TPH2: variants seen among roughly 807,000 people sequenced by gnomAD.
TPH2 encodes the protein tryptophan 5-hydroxylase 2.
A neutral mutation model predicts 59.1 loss-of-function variants in TPH2; 27 were observed. The ratio of observed to expected loss-of-function variants is 0.46; its 90% CI spans 0.34 to 0.63. The LOEUF is 0.63. Ranked by LOEUF, TPH2 falls within the 30% of genes least tolerant of loss-of-function variation. The pLI, the probability that TPH2 is intolerant of heterozygous loss-of-function variation, is 0.01. For missense variants in TPH2, 523 were observed against 588.3 expected (o/e 0.89, Z 1.15); for synonymous variants, 220 against 210.5 (o/e 1.05, Z -0.39).
At chr12:71,970,901 A>C (rs919019298) in intron 5 of TPH2, among the ~76,000 whole-genome samples, 1 of 152,188 alleles carries the variant, frequency 6.6e-6, no homozygotes, top group Non-Finnish European at 1.5e-5. Flanking sequence ...TTTTTTCTTC[A>C]GTATGTGTTA....
intron 8 of TPH2, among the ~76,000 whole-genome samples, chr12:71,996,336 C>T (rs751053213): frequency 2.6e-5 from 4 of 152,186 alleles, no homozygotes; most frequent in Admixed American, 6.6e-5. Context: ...GGCCATATTC[C>T]GTTCATTAGA....
intron 5 of TPH2, among the ~76,000 whole-genome samples, chr12:71,957,662 T>C (rs1871548873): frequency 6.6e-6 from 1 of 152,172 alleles, no homozygotes; most frequent in South Asian, 2.1e-4. Flanking sequence ...AGTAATTGAA[T>C]TAAGGAATTT....
intron 8 of TPH2, among the ~76,000 whole-genome samples, chr12:72,008,059 G>A (rs192815209): frequency 6.6e-5 from 10 of 152,238 alleles, no homozygotes; most frequent in East Asian, 5.8e-4. Flanking sequence ...GCAGTCTACC[G>A]AGGGATATAG....
chr12:72,001,598 A>G (rs1350140854), intron 8 of TPH2, among the ~76,000 whole-genome samples: 1 of 151,954 alleles, frequency 6.6e-6, no homozygotes, highest in Non-Finnish European at 1.5e-5. Context: ...TTGTATTTTT[A>G]GTAGAGATGG....
At chr12:71,993,151 GA>G (rs1269753999) in intron 7 of TPH2, among the ~76,000 whole-genome samples, 1 of 152,166 alleles carries the variant, frequency 6.6e-6, no homozygotes, top group African/African-American at 2.4e-5. Context: ...TGAGTTGTGG[GA>G]ATAAGATTTT....
chr12:72,025,687 G>T (rs1037455008), intron 9 of TPH2, among the ~76,000 whole-genome samples: 3 of 152,164 alleles, frequency 2.0e-5, no homozygotes, highest in Admixed American at 2.0e-4. Context: ...GCCAAAAAGT[G>T]CATTTGGGTG....
Position 71,972,463 on chromosome 12 carries a change from A to ATACT in TPH2, c.609-53_609-50dup, listed in dbSNP as rs1029812867. ...TTGTGATAGGTATTGAGGTGAGAAA[A>ATACT]TACTTAACTCAGTGATTCAAAGTTA... is the stretch of plus-strand genomic sequence containing the variant. On this transcript the variant is annotated intron_variant, in intron 5 of 10. Transcript: ENST00000333850. The ATACT allele has an allele frequency of 4.5e-6, 7 of 1,572,410 alleles. No individual in the cohort carries two copies. In the African/African-American group the frequency reaches 9.5e-5, roughly 21 times the overall value.
At chr12:71,994,697 G>T in intron 8 of TPH2, 132 bp downstream of exon 8, 2 of 1,145,058 alleles carry the variant, frequency 1.7e-6, no homozygotes, top group Non-Finnish European at 1.3e-6. Context: ...CTTTTCCTAT[G>T]TTGTATTCTT....
chr12:72,022,175 A>G (rs1312351346), intron 8 of TPH2, among the ~76,000 whole-genome samples: 1 of 152,210 alleles, frequency 6.6e-6, no homozygotes, highest in African/African-American at 2.4e-5. Flanking sequence ...GAATTCAGGA[A>G]GCGTAAGACT....
intron 6 of TPH2, among the ~76,000 whole-genome samples, chr12:71,976,842 C>T (rs1872133512): frequency 6.6e-6 from 1 of 152,112 alleles, no homozygotes; most frequent in Non-Finnish European, 1.5e-5. Flanking sequence ...AAGGAATAGC[C>T]TTCCAGGACG....
intron 8 of TPH2, 126 bp downstream of exon 8, chr12:71,994,691 T>C (rs1168281716): frequency 5.0e-6 from 6 of 1,188,646 alleles, no homozygotes; most frequent in Non-Finnish European, 7.2e-6. Context: ...ATTTACCTTT[T>C]CCTATGTTGT....
chr12:71,984,030 A>T (rs1236586863), intron 7 of TPH2, among the ~76,000 whole-genome samples: 4 of 152,110 alleles, frequency 2.6e-5, no homozygotes, highest in African/African-American at 9.7e-5. Flanking sequence ...TTCCCATTCC[A>T]CACATCTCTT....
chr12:72,018,685 G>C (rs1873326732), intron 8 of TPH2, among the ~76,000 whole-genome samples: 1 of 152,150 alleles, frequency 6.6e-6, no homozygotes, highest in Non-Finnish European at 1.5e-5. Context: ...AAGGCTCCAA[G>C]GATTTCGTGT....
chr12:72,018,332 A>G (rs1873314374), intron 8 of TPH2, among the ~76,000 whole-genome samples: 1 of 152,216 alleles, frequency 6.6e-6, no homozygotes, highest in Admixed American at 6.5e-5. Flanking sequence ...CTAGAAGCAC[A>G]TTAACCAAAG....
chr12:71,979,085 AC>A lies in TPH2; in HGVS notation c.941del (p.Pro314GlnfsTer26). ...GCTCAGATCCCCTCTACACCCCAGA[AC>A]CGTGAGTACCTACATTAAAGCCCAG... ...HGSDPLYTPE[P>X]DTCHELLGHV... On this transcript the variant is annotated frameshift_variant and splice_region_variant, in exon 7 of 11. Coordinates refer to ENST00000333850, the MANE Select transcript of TPH2 (RefSeq NM_173353.4). LOFTEE classifies it high-confidence loss of function. The A allele has an allele frequency of 6.2e-7, 1 of 1,614,086 alleles. No individual in the cohort carries two copies. Among genetic ancestry groups the A allele is most frequent in the Non-Finnish European group, 8.5e-7 (1 of 1,179,986 alleles).
rs1592396941 is a variant in TPH2, at chr12:71,981,356, A to T, written c.941+2269A>T. ...GGACTTAGTTCTGTAGGCAACAGGG[A>T]GCTATCCAAGGTTCTTAGGCATAGT... On this transcript the variant is annotated intron_variant, in intron 7 of 10. Transcript: ENST00000333850. 2.0e-5 allele frequency among the ~76,000 whole-genome samples: 3 copies of T among 152,200 alleles called. 1 individual carries two copies. In the South Asian group the frequency reaches 6.2e-4, roughly 31 times the overall value.
chr12:72,017,492 T>C (rs927861028), intron 8 of TPH2, among the ~76,000 whole-genome samples: 3 of 152,216 alleles, frequency 2.0e-5, no homozygotes, highest in African/African-American at 7.2e-5. Flanking sequence ...TTACATGTCA[T>C]TAATAGTATG....
intron 5 of TPH2, among the ~76,000 whole-genome samples, chr12:71,966,230 T>C (rs1871813502): frequency 6.6e-6 from 1 of 151,460 alleles, no homozygotes; most frequent in Non-Finnish European, 1.5e-5. Flanking sequence ...ATAATCTTTC[T>C]TCAAAGGCCC....
intron 1 of TPH2, among the ~76,000 whole-genome samples, chr12:71,940,473 G>C (rs1307881164): frequency 6.6e-6 from 1 of 152,038 alleles, no homozygotes; most frequent in Non-Finnish European, 1.5e-5. Flanking sequence ...ACTATTCACT[G>C]GGTCCCAAAG....
Sources: allele counts gnomAD v4.1 joint callset (sites outside exome capture counted in the v4.1 genomes callset), GRCh38; gene constraint gnomAD v4.1.1; transcripts MANE v1.5; gene names NCBI Gene and HGNC (gene_info 2026-07-23, HGNC 2026-07-21).